The following NCOA7 variants were observed in gnomAD, a reference collection of about 807,000 sequenced individuals.
NCOA7 encodes nuclear receptor coactivator 7, also known as 140 kDa estrogen receptor-associated protein.
A neutral mutation model predicts 104.3 loss-of-function variants in NCOA7; 45 were observed. That is an observed-to-expected ratio of 0.43 (90% CI 0.34 to 0.55). The LOEUF (loss-of-function observed/expected upper bound fraction) is 0.55, where lower values mean the gene tolerates loss of function less well. Ranked by LOEUF, NCOA7 falls within the 20% of genes least tolerant of loss-of-function variation. The probability of loss-of-function intolerance (pLI) is 0.02; values close to 1 mark genes in which losing one functional copy is unlikely to be tolerated. For missense variants in NCOA7, 1,041 were observed against 1,119.7 expected (o/e 0.93, Z 1.00); for synonymous variants, 398 against 402.3 (o/e 0.99, Z 0.13).
chr6:125,930,843 C>T lies in NCOA7; in HGVS notation c.*2072C>T, dbSNP rs1483819504. On this transcript the variant is annotated 3_prime_UTR_variant, in exon 16 of 16. Transcript: ENST00000392477. ...TTGGTGTGAGATATCAGGAATGTCT[C>T]ATGATATCACGTTTACCATTTACAC... 6.6e-6 allele frequency: 1 copy of T among 152,500 alleles called. No individual in the cohort carries two copies. The highest frequency in any genetic ancestry group is 1.5e-5 in the Non-Finnish European group (1 of 68,036). The allele number at this position is 152,500 out of a possible 1,614,324, so 9.4% of individuals were successfully genotyped here. A position where few individuals can be genotyped will look rare whatever the true frequency, so the allele number is the denominator to read the frequency against.
chr6:125,808,076 T>G (rs1419294293), intron 1 of NCOA7, among the ~76,000 whole-genome samples: 1 of 152,296 alleles, frequency 6.6e-6, no homozygotes, highest in East Asian at 1.9e-4. Context: ...GACAGTGTGA[T>G]TTGACTAAGC....
At chr6:125,925,098 A>T (rs1562193321) in intron 13 of NCOA7, among the ~76,000 whole-genome samples, 2 of 152,104 alleles carry the variant, frequency 1.3e-5, no homozygotes, top group Non-Finnish European at 2.9e-5. Context: ...GCAAGCCAAG[A>T]CCAGAGGCTG....
chr6:125,838,368 C>CACCT (rs1779812316), intron 2 of NCOA7, among the ~76,000 whole-genome samples: 1 of 152,026 alleles, frequency 6.6e-6, no homozygotes, highest in Non-Finnish European at 1.5e-5. Context: ...AGGTGGCAGC[C>CACCT]ATCAGAGAGG....
intron 2 of NCOA7, among the ~76,000 whole-genome samples, chr6:125,849,375 G>A (rs2128613454): frequency 6.6e-6 from 1 of 152,280 alleles, no homozygotes; most frequent in South Asian, 2.1e-4. Flanking sequence ...TTTATGGAAA[G>A]GTATAAATAA....
chr6:125,899,506 A>T (rs1380498777), intron 10 of NCOA7, among the ~76,000 whole-genome samples: 1 of 152,218 alleles, frequency 6.6e-6, no homozygotes, highest in Non-Finnish European at 1.5e-5. Context: ...CGTAAGTACC[A>T]CTTACCAATG....
intron 3 of NCOA7, among the ~76,000 whole-genome samples, chr6:125,870,248 C>T (rs2065169): frequency 0.37 from 56,534 of 152,046 alleles, 12,592 homozygotes; most frequent in African/African-American, 0.64. Flanking sequence ...GTCTTTAGTC[C>T]ACTACATTTT....
intron 2 of NCOA7, among the ~76,000 whole-genome samples, chr6:125,844,087 T>G (rs1337430331): frequency 6.6e-6 from 1 of 152,218 alleles, no homozygotes; most frequent in East Asian, 1.9e-4. Context: ...GACCCACCAC[T>G]GTTTTAACAG....
intron 7 of NCOA7, 114 bp from the exon 8 acceptor site, chr6:125,885,045 A>ATAC (rs1444893543): frequency 9.9e-7 from 1 of 1,005,972 alleles, no homozygotes; most frequent in African/African-American, 1.6e-5. Context: ...GTCACATAGG[A>ATAC]TACTGTGGTT....
intron 3 of NCOA7, among the ~76,000 whole-genome samples, chr6:125,861,463 G>A (rs777428921): frequency 2.6e-5 from 4 of 152,022 alleles, no homozygotes; most frequent in African/African-American, 4.8e-5. Context: ...AGTAATGATC[G>A]TCCTGGTACT....
chr6:125,813,260 G>C (rs1354608873), intron 1 of NCOA7, among the ~76,000 whole-genome samples: 1 of 152,060 alleles, frequency 6.6e-6, no homozygotes, highest in Non-Finnish European at 1.5e-5. Context: ...GAAGGGGGTG[G>C]GCTGCACATA....
chr6:125,855,320 A>G (rs779677874), intron 3 of NCOA7, 80 bp downstream of exon 3: 1 of 1,124,304 alleles, frequency 8.9e-7, no homozygotes, highest in Non-Finnish European at 1.3e-6. Flanking sequence ...TTTGTGATTG[A>G]TCATAATAAT....
At chr6:125,875,005 A>T in intron 4 of NCOA7, 37 bp downstream of exon 4, 1 of 1,440,676 alleles carries the variant, frequency 6.9e-7, no homozygotes, top group Non-Finnish European at 9.8e-7. Context: ...GTTTGTTAAT[A>T]GCACTACATT....
intron 5 of NCOA7, among the ~76,000 whole-genome samples, chr6:125,880,636 TC>T (rs2128646159): frequency 6.6e-6 from 1 of 152,238 alleles, no homozygotes; most frequent in South Asian, 2.1e-4. Flanking sequence ...CAAGAGATTC[TC>T]CTGCCTCAGC....
chr6:125,894,051 A>T (rs9401853), intron 10 of NCOA7, among the ~76,000 whole-genome samples: 47,551 of 151,342 alleles, frequency 0.31, 8,986 homozygotes, highest in East Asian at 0.52. Context: ...TCCTGCTTTC[A>T]CTCTTGGTGC....
chr6:125,782,958 G>C (rs1583202860), intron 1 of NCOA7, among the ~76,000 whole-genome samples: 1 of 152,150 alleles, frequency 6.6e-6, no homozygotes, highest in South Asian at 2.1e-4. Flanking sequence ...AAAGAGGCGG[G>C]GGGCAGAGGA....
rs372097403 is a variant in NCOA7 at position 125,885,137 on chromosome 6, G to C, written c.700-22G>C. 8.7e-6 allele frequency: 14 copies of C among 1,612,224 alleles called. No homozygotes were observed. In the African/African-American group the frequency reaches 1.6e-4, roughly 18 times the overall value. On this transcript the variant is annotated intron_variant, in intron 7 of 15. Coordinates refer to ENST00000392477, the MANE Select transcript of NCOA7 (RefSeq NM_181782.5). ...AAGCATTTCTGCCTGAAGTGATTCT[G>C]TCCTGTTGCTTTCTCCTGCAGGGTG...
intron 1 of NCOA7, among the ~76,000 whole-genome samples, chr6:125,782,808 A>G (rs753424616): frequency 3.3e-5 from 5 of 152,216 alleles, no homozygotes; most frequent in African/African-American, 7.2e-5. Flanking sequence ...CAGAGATGTC[A>G]CTGTCCTAAT....
At chr6:125,835,691 C>T (rs1183025991) in intron 2 of NCOA7, among the ~76,000 whole-genome samples, 1 of 152,206 alleles carries the variant, frequency 6.6e-6, no homozygotes, top group East Asian at 1.9e-4. Context: ...GTAGTGGCTG[C>T]CACTGGCAGA....
chr6:125,810,663 C>T lies in NCOA7; in HGVS notation c.-64-4628C>T, dbSNP rs1161091689. Among the ~76,000 whole-genome samples the T allele has an allele frequency of 3.3e-5, 5 of 152,178 alleles. No individual in the cohort carries two copies. The East Asian group carries it at 9.6e-4, about 29-fold the overall frequency. On this transcript the variant is annotated intron_variant, in intron 1 of 15. Coordinates refer to ENST00000392477, the MANE Select transcript of NCOA7 (RefSeq NM_181782.5). ...GAGACTGATTTAAGGAGCTCTGGTT[C>T]TTCACTGAAGCATGAAGGCTGCAGT... is the stretch of plus-strand genomic sequence containing the variant.
Sources: allele counts gnomAD v4.1 joint callset (sites outside exome capture counted in the v4.1 genomes callset), GRCh38; gene constraint gnomAD v4.1.1; transcripts MANE v1.5; gene names NCBI Gene and HGNC (gene_info 2026-07-23, HGNC 2026-07-21).